The following TENT5B variants were observed in gnomAD, a reference collection of about 807,000 sequenced individuals.
TENT5B encodes the protein family with sequence similarity 46 member B.
In TENT5B, 12 loss-of-function variants were observed where a neutral mutation model predicts 21.7. That is an observed-to-expected ratio of 0.55 (90% CI 0.36 to 0.90). The LOEUF is 0.90. Among genes scored for constraint, TENT5B ranks in the 40% least tolerant of loss-of-function variants. The probability of loss-of-function intolerance (pLI) is 0.01; values close to 1 mark genes in which losing one functional copy is unlikely to be tolerated. For missense variants in TENT5B, 540 were observed against 601.5 expected (o/e 0.90, Z 1.07); for synonymous variants, 262 against 266.6 (o/e 0.98, Z 0.17).
chr1:27,012,683 C>T lies in TENT5B; in HGVS notation c.-13G>A, dbSNP rs1280696638. 8.3e-6 allele frequency: 12 copies of T among 1,451,596 alleles called. No individual in the cohort carries two copies. Among genetic ancestry groups the T allele is most frequent in the African/African-American group, 1.5e-5 (1 of 66,096 alleles). The allele number at this position is 1,451,596 out of a possible 1,614,324, so 89.9% of individuals were successfully genotyped here. Reference sequence around the variant, plus strand: ...CCGACGGCATCATCCGCCCGGCCCCCGGGCCCCGACGGCAGAAACCGTGGG... The same window carrying T: ...CCGACGGCATCATCCGCCCGGCCCCTGGGCCCCGACGGCAGAAACCGTGGG... On this transcript the variant is annotated 5_prime_UTR_variant, in exon 1 of 2. Coordinates refer to ENST00000289166, the MANE Select transcript of TENT5B (RefSeq NM_052943.4).
Position 27,005,912 on chromosome 1 carries a change from C to A in TENT5B, c.*32G>T, listed in dbSNP as rs2082593770. On this transcript the variant is annotated 3_prime_UTR_variant, in exon 2 of 2. Transcript: ENST00000289166. ...GGAGGCCCCACCCCACCCCGTGAGG[C>A]CCAGTCCCTTCCCTTCTGGCCAGGG... The A allele has an allele frequency of 2.0e-6, 3 of 1,524,300 alleles. No homozygotes were observed. The highest frequency in any genetic ancestry group is 2.6e-6 in the Non-Finnish European group (3 of 1,135,366). 94.4% of individuals were successfully genotyped at this position (1,524,300 alleles called of 1,614,324 possible).
At position 27,005,794 on chromosome 1, in the gene TENT5B, GAA is replaced by G. The variant is rs1186749952; in HGVS notation, c.*148_*149del. On this transcript the variant is annotated 3_prime_UTR_variant, in exon 2 of 2. Transcript: ENST00000289166. The stretch of plus-strand genomic sequence containing the variant: ...AAGCCCACAGGGGCCTCGTGCTCGG[GAA>G]AGTCTGGTCTGTTCAATCAAAGGCC... 2 of 1,083,994 alleles carry G rather than the reference GAA, an allele frequency of 1.8e-6. No homozygotes were observed. Among genetic ancestry groups the G allele is most frequent in the African/African-American group, 3.2e-5 (2 of 62,416 alleles). The allele number at this position is 1,083,994 out of a possible 1,614,324, so 67.1% of individuals were successfully genotyped here. A position where few individuals can be genotyped will look rare whatever the true frequency, so the allele number is the denominator to read the frequency against.
At position 27,005,802 on chromosome 1, in the gene TENT5B, G is replaced by T; in HGVS notation, c.*142C>A. On this transcript the variant is annotated 3_prime_UTR_variant, in exon 2 of 2. Coordinates refer to ENST00000289166, the MANE Select transcript of TENT5B (RefSeq NM_052943.4). ...AGGGGCCTCGTGCTCGGGAAAGTCT[G>T]GTCTGTTCAATCAAAGGCCCAACCC... 2 of 1,173,538 alleles carry T rather than the reference G, an allele frequency of 1.7e-6. No homozygotes were observed. The highest frequency in any genetic ancestry group is 2.3e-6 in the Non-Finnish European group (2 of 855,824). 72.7% of individuals were successfully genotyped at this position (1,173,538 alleles called of 1,614,324 possible). A position where few individuals can be genotyped will look rare whatever the true frequency, so the allele number is the denominator to read the frequency against.
chr1:27,012,572 G>T lies in TENT5B; in HGVS notation c.99C>A (p.Gly33=). The part of the protein sequence containing the change: ...ATAVATAAPA[G]GGPDPEALSA... The stretch of plus-strand genomic sequence containing the variant: ...ATAAGGCCTCCGGGTCGGGGCCGCC[G>T]CCTGCCGGGGCTGCCGTGGCCACCG... The change falls in exon 1 of 2, where the codon GGC becomes GGA. Residue 33 remains glycine (G), a synonymous_variant. Coordinates refer to ENST00000289166, the MANE Select transcript of TENT5B (RefSeq NM_052943.4). The T allele has an allele frequency of 6.5e-7, 1 of 1,547,392 alleles. No homozygotes were observed. The highest frequency in any genetic ancestry group is 8.7e-7 in the Non-Finnish European group (1 of 1,152,854).
At chr1:27,007,670 C>T (rs2082607405) in intron 1 of TENT5B, among the ~76,000 whole-genome samples, 1 of 152,160 alleles carries the variant, frequency 6.6e-6, no homozygotes, top group Non-Finnish European at 1.5e-5. Context: ...AGGCGTGAGC[C>T]ACCGCGCTCG....
chr1:27,008,614 CTT>C (rs994667195), intron 1 of TENT5B, among the ~76,000 whole-genome samples: 1 of 146,874 alleles, frequency 6.8e-6, no homozygotes, highest in Admixed American at 6.8e-5. Flanking sequence ...GGACAGGTGT[CTT>C]TTTTTTTTTG....
chr1:27,006,114 C>A lies in TENT5B; in HGVS notation c.1108G>T (p.Ala370Ser). The change falls in exon 2 of 2, where the codon GCC becomes TCC. Residue 370 changes from alanine (A) to serine (S), a missense_variant. Transcript: ENST00000289166. The surrounding 1 kb of genome is among the most constrained non-coding windows in gnomAD (Gnocchi z 9.4). ...GCCAGTGCCTGCAGCGCCAGTGCGG[C>A]AATGAGGTCCAGCGTCTGGCGGCGC... ...HERRQTLDLI[A>S]ALALQALAEQ... 1 of 1,608,614 alleles carries A rather than the reference C, an allele frequency of 6.2e-7. No homozygotes were observed. The highest frequency in any genetic ancestry group is 8.5e-7 in the Non-Finnish European group (1 of 1,176,756).
chr1:27,005,902 C>T lies in TENT5B; in HGVS notation c.*42G>A. On this transcript the variant is annotated 3_prime_UTR_variant, in exon 2 of 2. Coordinates refer to ENST00000289166, the MANE Select transcript of TENT5B (RefSeq NM_052943.4). ...ACACACTCTTGGAGGCCCCACCCCACCCCGTGAGGCCCAGTCCCTTCCCTT... is the reference window on the plus strand; with the variant it reads ...ACACACTCTTGGAGGCCCCACCCCATCCCGTGAGGCCCAGTCCCTTCCCTT... The T allele has an allele frequency of 6.6e-7, 1 of 1,514,770 alleles. No homozygotes were observed. The highest frequency in any genetic ancestry group is 8.8e-7 in the Non-Finnish European group (1 of 1,131,630). The allele number at this position is 1,514,770 out of a possible 1,614,324, so 93.8% of individuals were successfully genotyped here.
chr1:27,012,454 G>A lies in TENT5B; in HGVS notation c.217C>T (p.Arg73Cys). ...ACGCTCAGCGTGGGGAAGTTGCCGC[G>A]CCCGTGAATGGGAATCGGCTCGCTC... ...LLSEPIPIHGRGNFPTLSVQP... is the reference protein window; with the variant it reads ...LLSEPIPIHGCGNFPTLSVQP... Residue 73 changes from arginine (R) to cysteine (C), a missense_variant, in exon 1 of 2, where the codon CGC becomes TGC. Arg to Cys is a radical substitution (Grantham distance 180). Transcript: ENST00000289166. The A allele has an allele frequency of 1.2e-6, 2 of 1,613,178 alleles. No homozygotes were observed. The highest frequency in any genetic ancestry group is 1.7e-6 in the Non-Finnish European group (2 of 1,179,896).
At position 27,005,653 on chromosome 1, in the gene TENT5B, T is replaced by A; in HGVS notation, c.*291A>T. 2.5e-6 allele frequency: 1 copy of A among 407,810 alleles called. No homozygotes were observed. Among genetic ancestry groups the A allele is most frequent in the Non-Finnish European group, 4.4e-6 (1 of 229,712 alleles). The allele number at this position is 407,810 out of a possible 1,614,324, so 25.3% of individuals were successfully genotyped here. A position where few individuals can be genotyped will look rare whatever the true frequency, so the allele number is the denominator to read the frequency against. The stretch of plus-strand genomic sequence containing the variant: ...GCTACCACCCCAAACTTGCTTTGTC[T>A]CCTGAAGGAAATTGACTTCCAAGAC... On this transcript the variant is annotated 3_prime_UTR_variant, in exon 2 of 2. Coordinates refer to ENST00000289166, the MANE Select transcript of TENT5B (RefSeq NM_052943.4).
Position 27,012,457 on chromosome 1 carries a change from C to A in TENT5B, c.214G>T (p.Gly72Trp). 1 of 1,613,172 alleles carries A rather than the reference C, an allele frequency of 6.2e-7. No individual in the cohort carries two copies. Among genetic ancestry groups the A allele is most frequent in the Non-Finnish European group, 8.5e-7 (1 of 1,179,886 alleles). The change falls in exon 1 of 2, where the codon GGG (glycine) becomes TGG (tryptophan). Residue 72 changes from glycine to tryptophan, a missense_variant. By Grantham distance (184) the Gly-to-Trp change is radical. Transcript: ENST00000289166. ...ALLSEPIPIHGRGNFPTLSVQ... is the reference protein window; with the variant it reads ...ALLSEPIPIHWRGNFPTLSVQ... ...CTCAGCGTGGGGAAGTTGCCGCGCC[C>A]GTGAATGGGAATCGGCTCGCTCAGA...
intron 1 of TENT5B, among the ~76,000 whole-genome samples, chr1:27,008,016 T>C (rs1308587214): frequency 6.6e-6 from 1 of 152,168 alleles, no homozygotes; most frequent in Non-Finnish European, 1.5e-5. Flanking sequence ...GCAAAAATTA[T>C]ATACTTTTTT....
intron 1 of TENT5B, among the ~76,000 whole-genome samples, chr1:27,010,441 C>T (rs574672022): frequency 2.8e-4 from 43 of 151,906 alleles, no homozygotes; most frequent in African/African-American, 1.0e-3. Context: ...CATCCCTGCA[C>T]ACATCCCAAC....
intron 1 of TENT5B, among the ~76,000 whole-genome samples, chr1:27,011,982 C>T (rs1295509078): frequency 2.0e-5 from 3 of 152,030 alleles, no homozygotes; most frequent in African/African-American, 4.8e-5. Context: ...CCTAGAACCT[C>T]GAGAGAGGAA....
chr1:27,012,661 A>T lies in TENT5B; in HGVS notation c.10T>A (p.Ser4Thr), dbSNP rs2124209869. The change falls in exon 1 of 2, where the codon TCG (serine) becomes ACG (threonine). Residue 4 changes from serine (S) to threonine (T), a missense_variant. Physicochemically the swap from Ser to Thr is moderately conservative, Grantham distance 58. Coordinates refer to ENST00000289166, the MANE Select transcript of TENT5B (RefSeq NM_052943.4). MMPSESGAERRDRA... is the reference protein window; with the variant it reads MMPTESGAERRDRA... ...TCCCTGCGCTCAGCTCCGCTCTCCG[A>T]CGGCATCATCCGCCCGGCCCCCGGG... is the stretch of plus-strand genomic sequence containing the variant. 1.4e-6 allele frequency: 2 copies of T among 1,468,270 alleles called. No homozygotes were observed. Among genetic ancestry groups the T allele is most frequent in the East Asian group, 2.8e-5 (1 of 36,232 alleles). The allele number at this position is 1,468,270 out of a possible 1,614,324, so 91.0% of individuals were successfully genotyped here. A position where few individuals can be genotyped will look rare whatever the true frequency, so the allele number is the denominator to read the frequency against.
rs2082598153 is a variant in TENT5B, at chr1:27,006,294, A to C, written c.928T>G (p.Phe310Val). The C allele has an allele frequency of 1.9e-6, 3 of 1,611,894 alleles. No individual in the cohort carries two copies. The highest frequency in any genetic ancestry group is 2.5e-6 in the Non-Finnish European group (3 of 1,179,246). Residue 310 changes from phenylalanine to valine, a missense_variant, in exon 2 of 2, where the codon TTC becomes GTC. Physicochemically the swap from Phe to Val is conservative, Grantham distance 50. Transcript: ENST00000289166. This position sits in a 1 kb window ranked among gnomAD's most constrained non-coding sequence, Gnocchi z 9.4. ...TCCACCAGGTCTGGAAAGTCGATGA[A>C]GAAGCGGGAGCACATGTAGCGCTGC... ...ALQRYMCSRF[F>V]IDFPDLVEQR...
chr1:27,005,931 GC>G lies in TENT5B; in HGVS notation c.*12del, dbSNP rs764091505. The G allele has an allele frequency of 6.5e-7, 1 of 1,539,244 alleles. No individual in the cohort carries two copies. The highest frequency in any genetic ancestry group is 1.3e-5 in the South Asian group (1 of 79,736). On this transcript the variant is annotated 3_prime_UTR_variant, in exon 2 of 2. Coordinates refer to ENST00000289166, the MANE Select transcript of TENT5B (RefSeq NM_052943.4). ...GTGAGGCCCAGTCCCTTCCCTTCTG[GC>G]CAGGGTCTGAGTCAGTTACAAGGCA...
chr1:27,006,857 C>T lies in TENT5B; in HGVS notation c.365G>A (p.Gly122Asp), dbSNP rs1466088390. 5 of 1,613,906 alleles carry T rather than the reference C, an allele frequency of 3.1e-6. No homozygotes were observed. Among genetic ancestry groups the T allele is most frequent in the Non-Finnish European group, 4.2e-6 (5 of 1,180,042 alleles). ...SHVLHPESGL[G>D]YKDLDLVFRV... ...GAACACCAGGTCCAGATCCTTGTAG[C>T]CCAGGCCACTCTCAGGGTGCAGCAC... Residue 122 changes from glycine (G) to aspartate (D), a missense_variant, in exon 2 of 2, where the codon GGC becomes GAC. Gly to Asp is a moderately conservative substitution (Grantham distance 94). Transcript: ENST00000289166. The surrounding 1 kb of genome is among the most constrained non-coding windows in gnomAD (Gnocchi z 9.4).
rs937812158 is a variant in TENT5B at position 27,006,186 on chromosome 1, G to A, written c.1036C>T (p.Leu346=). ...AARRYACLVT[L]HRVVNESTVC... ...GTGCTCTCGTTGACCACCCGGTGCA[G>A]TGTCACCAGGCAGGCGTAACGGCGG... The change falls in exon 2 of 2, where the codon CTG becomes TTG. Residue 346 remains leucine (L), a synonymous_variant. Transcript: ENST00000289166. This position sits in a 1 kb window ranked among gnomAD's most constrained non-coding sequence, Gnocchi z 9.4. 6.2e-6 allele frequency: 10 copies of A among 1,612,118 alleles called. No individual in the cohort carries two copies. Among genetic ancestry groups the A allele is most frequent in the Admixed American group, 1.7e-5 (1 of 59,862 alleles).
Sources: gnomAD v4.1 joint callset for allele counts (sites outside exome capture counted in the v4.1 genomes callset) on GRCh38, gnomAD v4.1.1 for gene constraint, Gnocchi (gnomAD v3.1) non-coding constraint, MANE v1.5 for transcripts, NCBI Gene and HGNC (gene_info 2026-07-23, HGNC 2026-07-21) for gene names.